Variants in FAM3A observed in about 807,000 individuals in gnomAD.
FAM3A encodes protein FAM3A.
FAM3A carries 5 observed loss-of-function variants against 18.1 expected under a neutral mutation model. The ratio of observed to expected loss-of-function variants is 0.28; its 90% confidence interval spans 0.14 to 0.58. The LOEUF is 0.58. Among genes scored for constraint, FAM3A ranks in the 20% least tolerant of loss-of-function variants. FAM3A has a pLI of 0.91. For missense variants in FAM3A, 154 were observed against 216.6 expected, an observed-to-expected ratio of 0.71 and a Z score of 1.81; for synonymous variants, 108 against 90.2, an observed-to-expected ratio of 1.20 and a Z score of -1.12.
chrX:154,513,007 T>G, intron 1 of FAM3A, 71 bp from the exon 2 acceptor site: 1 of 684,717 alleles, frequency 1.5e-6, no homozygotes. Context: ...CCCATAGCCT[T>G]GCATGACTGG....
intron 3 of FAM3A, among the ~76,000 whole-genome samples, 188 bp downstream of exon 3, chrX:154,511,660 C>T (rs1332231766): frequency 1.8e-5 from 2 of 112,081 alleles, no homozygotes; most frequent in Non-Finnish European, 3.8e-5. Context: ...CCTGCCCCAC[C>T]GTCATATTCT....
intron 3 of FAM3A, chrX:154,508,953 A>G: frequency 7.9e-6 from 2 of 253,014 alleles, no homozygotes; most frequent in Non-Finnish European, 7.6e-6. Context: ...GGCAGGGGGT[A>G]GTGTGGCAGG....
At chrX:154,508,736 G>A (rs1170938233) in intron 3 of FAM3A, 139 bp from the exon 4 acceptor site, 28 of 743,691 alleles carry the variant, frequency 3.8e-5, no homozygotes, top group Admixed American at 1.6e-4. Flanking sequence ...GGCTCAGGCC[G>A]AGGCTGGGGA....
At chrX:154,512,344 C>A in intron 2 of FAM3A, 1 of 258,116 alleles carries the variant, frequency 3.9e-6, no homozygotes, top group Non-Finnish European at 7.0e-6. Flanking sequence ...GAGGCTGGGG[C>A]ACTAGAATCG....
rs995471440 is a variant in FAM3A at position 154,507,102 on chromosome X, G to A, written c.597+101C>T. On this transcript the variant is annotated intron_variant, in intron 8 of 8. Transcript: ENST00000447601. The stretch of plus-strand genomic sequence containing the variant: ...CACCCCTCATAGCTGGACTGGGGAC[G>A]GTCCCCTGCTGGGGCGTGAGCAGCT... The A allele has an allele frequency of 1.2e-4, 123 of 1,059,661 alleles. No homozygotes were observed. The Admixed American group carries it at 1.8e-3, about 15-fold the overall frequency. The allele number at this position is 1,059,661 out of a possible 1,213,427, so 87.3% of individuals were successfully genotyped here.
intron 1 of FAM3A, among the ~76,000 whole-genome samples, chrX:154,514,560 C>T (rs1369164646): frequency 8.1e-5 from 9 of 111,558 alleles, no homozygotes; most frequent in South Asian, 3.7e-4. Flanking sequence ...CCCGCCACCA[C>T]GCCCGGCTAA....
At chrX:154,510,612 T>C (rs989583079) in intron 3 of FAM3A, 12 of 107,177 alleles carry the variant, frequency 1.1e-4, no homozygotes, top group African/African-American at 4.0e-4. Context: ...TATTGGGCGC[T>C]GGAGGAAAGC....
intron 3 of FAM3A, chrX:154,509,129 G>A: frequency 4.4e-6 from 1 of 225,335 alleles, no homozygotes; most frequent in Non-Finnish European, 8.4e-6. Context: ...TTCAGATGGG[G>A]TCATACTGGA....
chrX:154,516,093 G>GCGGGC lies in FAM3A; in HGVS notation c.-326_-322dup. The GCGGGC allele has an allele frequency of 4.3e-6, 1 of 233,457 alleles. No homozygotes were observed. The highest frequency in any genetic ancestry group is 7.7e-6 in the Non-Finnish European group (1 of 129,224). The allele number at this position is 233,457 out of a possible 1,213,427, so 19.2% of individuals were successfully genotyped here. ...TCCTCCGGGCCTGGGGGCTGGCGAT[G>GCGGGC]CGGGCCGGGCCGGAGATTTCTCTGG... On this transcript the variant is annotated 5_prime_UTR_variant, in exon 1 of 9. Coordinates refer to ENST00000447601, the MANE Select transcript of FAM3A (RefSeq NM_021806.4).
rs782440638 is a variant in FAM3A at position 154,508,576 on chromosome X, T to G, written c.173A>C (p.Lys58Thr). ...VTAAPRARKY[K>T]CGLPQPCPEE... Reference sequence around the variant, plus strand: ...AGGACACGGCTGGGGCAGGCCACACTTGTACTTCCTGGCCCGTGGCGCTGG... The same window carrying G: ...AGGACACGGCTGGGGCAGGCCACACGTGTACTTCCTGGCCCGTGGCGCTGG... The change falls in exon 4 of 9, where the codon AAG (lysine) becomes ACG (threonine). Residue 58 changes from lysine to threonine, a missense_variant. Coordinates refer to ENST00000447601, the MANE Select transcript of FAM3A (RefSeq NM_021806.4). 7.5e-6 allele frequency: 9 copies of G among 1,195,339 alleles called. No individual in the cohort carries two copies. In the East Asian group the frequency reaches 2.1e-4, roughly 28 times the overall value.
At chrX:154,514,087 C>T (rs1569555961) in intron 1 of FAM3A, among the ~76,000 whole-genome samples, 1 of 110,685 alleles carries the variant, frequency 9.0e-6, no homozygotes, top group Non-Finnish European at 1.9e-5. Flanking sequence ...ACTAACTTCT[C>T]TGCTGGCTTT....
chrX:154,508,226 G>A (rs935798315), intron 5 of FAM3A, 63 bp downstream of exon 5: 1 of 902,186 alleles, frequency 1.1e-6, no homozygotes, highest in Non-Finnish European at 1.5e-6. Context: ...CAAACACCCA[G>A]AGGCCTCCTG....
Position 154,508,269 on chromosome X carries a change from C to G in FAM3A, c.334+20G>C. On this transcript the variant is annotated intron_variant, in intron 5 of 8. Transcript: ENST00000447601. ...AGCAGGGAAGGAGGGCGGCAGGCCA[C>G]GCTCAGCCAGGGGCCTCACCGTTCA... 9.2e-7 allele frequency: 1 copy of G among 1,082,935 alleles called. No individual in the cohort carries two copies. Among genetic ancestry groups the G allele is most frequent in the Non-Finnish European group, 1.2e-6 (1 of 832,462 alleles). 89.2% of individuals were successfully genotyped at this position (1,082,935 alleles called of 1,213,427 possible).
At chrX:154,508,684 T>C (rs1557220916) in intron 3 of FAM3A, 87 bp from the exon 4 acceptor site, 4 of 1,064,290 alleles carry the variant, frequency 3.8e-6, no homozygotes, top group Non-Finnish European at 5.1e-6. Flanking sequence ...GCACACATGG[T>C]AGAACAAGTG....
chrX:154,510,396 C>T (rs1280067234), intron 3 of FAM3A: 1 of 109,612 alleles, frequency 9.1e-6, no homozygotes, highest in Non-Finnish European at 1.9e-5. Flanking sequence ...TGTGGTGGCA[C>T]ATGCCTGTAG....
rs374780401 is a variant in FAM3A, at chrX:154,511,845, T to C, written c.151+3A>G. 3.6e-5 allele frequency: 44 copies of C among 1,206,964 alleles called. No homozygotes were observed. Among genetic ancestry groups the C allele is most frequent in the South Asian group, 1.8e-5 (1 of 56,691 alleles). ...AGGAGCAGGGAGGTGACAGGGGCCT[T>C]ACCTGCAGTCACCGAGCTCTCTGGA... On this transcript the variant is annotated splice_donor_region_variant and intron_variant, in intron 3 of 8. Transcript: ENST00000447601.
chrX:154,515,619 G>T, intron 1 of FAM3A, 141 bp downstream of exon 1: 1 of 649,807 alleles, frequency 1.5e-6, no homozygotes, highest in Non-Finnish European at 2.6e-6. Context: ...GTCAAGGAAC[G>T]AGTGTTTGTG....
At chrX:154,509,190 G>A (rs1557221315) in intron 3 of FAM3A, 1 of 170,490 alleles carries the variant, frequency 5.9e-6, no homozygotes, top group Non-Finnish European at 1.1e-5. Flanking sequence ...AAGAACAGAA[G>A]TGACAAAGAC....
rs41314161 is a variant in FAM3A at position 154,506,429 on chromosome X, C to A, written c.*382G>T. On this transcript the variant is annotated 3_prime_UTR_variant, in exon 9 of 9. Transcript: ENST00000447601. Reference sequence around the variant, plus strand: ...CAGAAGGGAGAGGTTCTGGAAGACGCCCCAACCTGCCGGGCTGCTCCCAGA... The same window carrying A: ...CAGAAGGGAGAGGTTCTGGAAGACGACCCAACCTGCCGGGCTGCTCCCAGA... 6 of 199,028 alleles carry A rather than the reference C, an allele frequency of 3.0e-5. No homozygotes were observed. The highest frequency in any genetic ancestry group is 5.7e-5 in the Non-Finnish European group (6 of 105,434). 16.4% of individuals were successfully genotyped at this position (199,028 alleles called of 1,213,427 possible). A position where few individuals can be genotyped will look rare whatever the true frequency, so the allele number is the denominator to read the frequency against.
Sources: gnomAD v4.1 joint callset for allele counts (sites outside exome capture counted in the v4.1 genomes callset) on GRCh38, gnomAD v4.1.1 for gene constraint, MANE v1.5 for transcripts, NCBI Gene and HGNC (gene_info 2026-07-23, HGNC 2026-07-21) for gene names.